ZNF385C: variants seen among roughly 807,000 people sequenced by gnomAD.
The protein encoded by ZNF385C is zinc finger protein 385C.
ZNF385C carries 28 observed loss-of-function variants against 35.4 expected under a neutral mutation model. That is an observed-to-expected ratio of 0.79 (90% CI 0.59 to 1.08). The LOEUF (loss-of-function observed/expected upper bound fraction) is 1.08. Ranked by LOEUF, ZNF385C falls within the 50% of genes least tolerant of loss-of-function variation. The pLI, the probability that ZNF385C is intolerant of heterozygous loss-of-function variation, is 0.00. For synonymous variants in ZNF385C, 248 were observed against 248.2 expected (o/e 1.00, Z 0.01); for missense variants, 605 against 595.6 (o/e 1.02, Z -0.16).
chr17:42,044,884 T>C (rs1336072145), intron 2 of ZNF385C, among the ~76,000 whole-genome samples: 3 of 150,488 alleles, frequency 2.0e-5, no homozygotes, highest in Non-Finnish European at 2.9e-5. Flanking sequence ...TGAAAAGCCA[T>C]GTCCAGCCAT....
At chr17:42,090,447 C>G (rs999339417) in intron 1 of ZNF385C, among the ~76,000 whole-genome samples, 1 of 151,684 alleles carries the variant, frequency 6.6e-6, no homozygotes, top group Non-Finnish European at 1.5e-5. Flanking sequence ...CCATCACGCA[C>G]TAATTTTTGT....
At chr17:42,093,413 C>T (rs955430635) in intron 1 of ZNF385C, among the ~76,000 whole-genome samples, 1 of 152,136 alleles carries the variant, frequency 6.6e-6, no homozygotes. Context: ...CCCTTATCTC[C>T]CAGAGTGATG....
In ZNF385C at chr17:42,040,162, C is replaced by T. The variant is rs553601926; in HGVS notation, c.251-2277G>A. ...CTCCTCCGGCGCCTGCGGGTAGCGT[C>T]GGGGGTCGAAGATCGCTGCGAAGGC... On this transcript the variant is annotated intron_variant, in intron 2 of 8. Transcript: ENST00000692273. 11 of 1,231,554 alleles carry T rather than the reference C, an allele frequency of 8.9e-6. No individual in the cohort carries two copies. The South Asian group carries it at 2.1e-4, about 23-fold the overall frequency. 76.3% of individuals were successfully genotyped at this position (1,231,554 alleles called of 1,614,324 possible).
chr17:42,044,307 CAA>C (rs57246793), intron 2 of ZNF385C, among the ~76,000 whole-genome samples: 29 of 70,504 alleles, frequency 4.1e-4, no homozygotes, highest in African/African-American at 1.4e-3. Context: ...GACCCTGTCT[CAA>C]AAAAAAAAAA....
At chr17:42,031,811 C>CA (rs1555655032) in intron 4 of ZNF385C, 27 bp from the exon 5 acceptor site, 4 of 1,547,478 alleles carry the variant, frequency 2.6e-6, no homozygotes, top group Non-Finnish European at 3.5e-6. Context: ...AAGAGGTCAC[C>CA]ATTCACTGGC....
intron 5 of ZNF385C, among the ~76,000 whole-genome samples, chr17:42,030,178 T>A (rs2052695580): frequency 6.6e-6 from 1 of 151,708 alleles, no homozygotes; most frequent in Admixed American, 6.6e-5. Context: ...TTGATGAATG[T>A]TTGTGAGAGA....
intron 1 of ZNF385C, among the ~76,000 whole-genome samples, chr17:42,093,317 G>A (rs1000005830): frequency 3.9e-5 from 6 of 152,180 alleles, no homozygotes; most frequent in East Asian, 1.9e-4. Flanking sequence ...TCTGGTCAAC[G>A]CCTCTTCTGA....
rs1167371976 is a variant in ZNF385C at position 42,050,783 on chromosome 17, C to A, written c.250+12024G>T. On this transcript the variant is annotated intron_variant, in intron 2 of 8. Coordinates refer to ENST00000692273, the MANE Select transcript of ZNF385C (RefSeq NM_001392013.1). This position sits in a 1 kb window ranked among gnomAD's most constrained non-coding sequence, Gnocchi z 5.6. The stretch of plus-strand genomic sequence containing the variant: ...CTCAGCCCGGCCCCGGCCCCACCCC[C>A]CAGCCCCTGCCGCCCCACGCGCGGC... Among the ~76,000 whole-genome samples, 3 of 151,298 alleles carry A rather than the reference C, an allele frequency of 2.0e-5. No individual in the cohort carries two copies. Among genetic ancestry groups the A allele is most frequent in the Non-Finnish European group, 4.4e-5 (3 of 67,782 alleles).
At chr17:42,037,650 C>G in intron 3 of ZNF385C, 87 bp downstream of exon 3, 2 of 1,411,758 alleles carry the variant, frequency 1.4e-6, no homozygotes, top group South Asian at 3.1e-5. Context: ...TTAGACCCAG[C>G]TGCTGAGAGC....
intron 2 of ZNF385C, among the ~76,000 whole-genome samples, chr17:42,057,513 C>CGTGTGT (rs57813267): frequency 6.8e-6 from 1 of 146,858 alleles, no homozygotes; most frequent in African/African-American, 2.6e-5. Flanking sequence ...CGCGCGCGCG[C>CGTGTGT]GTGTGTGTGT....
At chr17:42,046,868 T>C (rs577265909) in intron 2 of ZNF385C, among the ~76,000 whole-genome samples, 2 of 151,938 alleles carry the variant, frequency 1.3e-5, no homozygotes, top group Admixed American at 1.3e-4. Flanking sequence ...TTTTCCTTTT[T>C]TTTTTTTTTT....
At chr17:42,061,058 T>C (rs1555657971) in intron 2 of ZNF385C, among the ~76,000 whole-genome samples, 2 of 152,144 alleles carry the variant, frequency 1.3e-5, no homozygotes, top group African/African-American at 2.4e-5. Flanking sequence ...AAGCCTGTTA[T>C]TATCTTGGAA....
At chr17:42,047,100 C>T (rs916892774) in intron 2 of ZNF385C, among the ~76,000 whole-genome samples, 3 of 150,602 alleles carry the variant, frequency 2.0e-5, no homozygotes, top group East Asian at 1.9e-4. Context: ...GGCGCGATCT[C>T]GGCTCACTGC....
chr17:42,041,327 A>G, intron 2 of ZNF385C: 3 of 717,784 alleles, frequency 4.2e-6, no homozygotes, highest in Non-Finnish European at 5.8e-6. Context: ...TGGCTTTGCC[A>G]CTTACTGGCT....
In ZNF385C at chr17:42,050,174, C is replaced by A. The variant is rs1191252854; in HGVS notation, c.251-12289G>T. ...CTGACCAGCCGGATGGGAGCAGGAA[C>A]AACTTGACAAGGACCCCAAGGCATG... On this transcript the variant is annotated intron_variant, in intron 2 of 8. Coordinates refer to ENST00000692273, the MANE Select transcript of ZNF385C (RefSeq NM_001392013.1). This position sits in a 1 kb window ranked among gnomAD's most constrained non-coding sequence, Gnocchi z 5.6. Among the ~76,000 whole-genome samples the A allele has an allele frequency of 5.9e-5, 6 of 101,292 alleles. No individual in the cohort carries two copies. Among genetic ancestry groups the A allele is most frequent in the Admixed American group, 1.3e-4 (1 of 7,500 alleles). 66.5% of individuals were successfully genotyped at this position (101,292 alleles called of 152,430 possible).
In ZNF385C at chr17:42,045,108, G is replaced by A. The variant is rs186763649; in HGVS notation, c.251-7223C>T. On this transcript the variant is annotated intron_variant, in intron 2 of 8. Transcript: ENST00000692273. ...AATTTTTTGTATTTTTAGTGGAGAC[G>A]GGGTTTCACCGTGTTAGCCACGATG... 2.0e-3 allele frequency among the ~76,000 whole-genome samples: 308 copies of A among 152,284 alleles called. 1 individual carries two copies. Among genetic ancestry groups the A allele is most frequent in the African/African-American group, 7.0e-3 (289 of 41,568 alleles).
At chr17:42,057,717 G>C (rs1022515408) in intron 2 of ZNF385C, among the ~76,000 whole-genome samples, 6 of 152,066 alleles carry the variant, frequency 3.9e-5, no homozygotes, top group Non-Finnish European at 8.8e-5. Flanking sequence ...GGCCGACCAG[G>C]TGGATCACCT....
At chr17:42,055,105 C>G (rs6503682) in intron 2 of ZNF385C, among the ~76,000 whole-genome samples, 111,850 of 151,512 alleles carry the variant, frequency 0.74, 43,196 homozygotes, top group South Asian at 0.86. Flanking sequence ...ATGCTAGCCC[C>G]CGACCCCCTC....
In ZNF385C at chr17:42,037,887, T is replaced by G. The variant is rs1555655650; in HGVS notation, c.251-2A>C. 2 of 1,531,408 alleles carry G rather than the reference T, an allele frequency of 1.3e-6. 1 individual carries two copies. The highest frequency in any genetic ancestry group is 2.5e-5 in the South Asian group (2 of 81,368). 94.9% of individuals were successfully genotyped at this position (1,531,408 alleles called of 1,614,324 possible). The stretch of plus-strand genomic sequence containing the variant: ...TGGGGGCGCCGGAGGCCGGGCCTGC[T>G]GCAGGAGGAAGAAGGGCAGGGTCTG... On this transcript the variant is annotated splice_acceptor_variant, in intron 2 of 8. Coordinates refer to ENST00000692273, the MANE Select transcript of ZNF385C (RefSeq NM_001392013.1). LOFTEE classifies it high-confidence loss of function.
Sources: allele counts gnomAD v4.1 joint callset (sites outside exome capture counted in the v4.1 genomes callset), GRCh38; gene constraint gnomAD v4.1.1; non-coding constraint Gnocchi (gnomAD v3.1); transcripts MANE v1.5; gene names NCBI Gene and HGNC (gene_info 2026-07-23, HGNC 2026-07-21).